Variants in CPEB1 observed in about 807,000 individuals in gnomAD.
CPEB1 encodes the protein cytoplasmic polyadenylation element binding protein 1, also known as cytoplasmic polyadenylation element-binding protein 1.
A neutral mutation model predicts 65.8 loss-of-function variants in CPEB1; 7 were observed. The observed-to-expected ratio is 0.11, with a 90% confidence interval of 0.06 to 0.20. The LOEUF (loss-of-function observed/expected upper bound fraction) is 0.20, where lower values mean the gene tolerates loss of function less well. Among genes scored for constraint, CPEB1 ranks in the 10% least tolerant of loss-of-function variants. The pLI is 1.00. For missense variants in CPEB1, 551 were observed against 712.2 expected (o/e 0.77, Z 2.58); for synonymous variants, 262 against 260.0 (o/e 1.01, Z -0.08).
upstream of CPEB1, chr15:82,647,866 G>A: frequency 1.3e-5 from 16 of 1,266,182 alleles, no homozygotes; most frequent in Non-Finnish European, 1.6e-5. Flanking sequence ...CAGCGGGAAC[G>A]CCATGGGGCC....
At chr15:82,578,945 TC>T (rs1318657597) in intron 3 of CPEB1, among the ~76,000 whole-genome samples, 1 of 152,122 alleles carries the variant, frequency 6.6e-6, no homozygotes, top group Admixed American at 6.5e-5. Context: ...TGCTCCAGCC[TC>T]CCGAGTAGCT....
intron 1 of CPEB1, chr15:82,638,141 A>C (rs933588917): frequency 3.4e-6 from 1 of 293,168 alleles, no homozygotes; most frequent in East Asian, 8.1e-5. Context: ...AGTTGGAAAA[A>C]GGAGTATTTT....
intron 6 of CPEB1, among the ~76,000 whole-genome samples, chr15:82,554,521 C>T (rs1328763324): frequency 6.6e-6 from 1 of 152,216 alleles, no homozygotes; most frequent in Admixed American, 6.5e-5. Context: ...CCCAGTAAGA[C>T]AAGAATGTCA....
chr15:82,565,913 T>G (rs2039047607), intron 4 of CPEB1, among the ~76,000 whole-genome samples: 1 of 152,186 alleles, frequency 6.6e-6, no homozygotes, highest in Non-Finnish European at 1.5e-5. Context: ...TGGCAGGAAA[T>G]CAGCTACAGA....
intron 1 of CPEB1, among the ~76,000 whole-genome samples, chr15:82,638,266 T>C (rs187556211): frequency 2.6e-4 from 40 of 152,364 alleles, no homozygotes; most frequent in African/African-American, 8.9e-4. Context: ...ACTCTTCATA[T>C]GCTGTTACAT....
At chr15:82,581,415 T>G (rs540574932) in intron 3 of CPEB1, among the ~76,000 whole-genome samples, 1 of 152,236 alleles carries the variant, frequency 6.6e-6, no homozygotes, top group Admixed American at 6.5e-5. Context: ...AACACTAGCA[T>G]ACAAATATGT....
chr15:82,546,562 A>T, intron 11 of CPEB1, 41 bp from the exon 12 acceptor site: 1 of 1,492,630 alleles, frequency 6.7e-7, no homozygotes, highest in Non-Finnish European at 9.3e-7. Context: ...GGCTCTTCTT[A>T]CCAGGAGGCT....
intron 3 of CPEB1, among the ~76,000 whole-genome samples, chr15:82,580,858 TTTTC>T (rs947647074): frequency 2.0e-5 from 3 of 151,650 alleles, no homozygotes; most frequent in African/African-American, 7.3e-5. Context: ...TCTTTTTTTT[TTTTC>T]TTTTTTTGAG....
At chr15:82,573,162 C>CAGT in intron 3 of CPEB1, 3 of 1,534,740 alleles carry the variant, frequency 2.0e-6, no homozygotes, top group Non-Finnish European at 2.6e-6. Flanking sequence ...GAACTTCCTG[C>CAGT]AGTACACCCT....
chr15:82,614,187 T>C (rs1048176900), intron 3 of CPEB1, among the ~76,000 whole-genome samples: 1 of 152,188 alleles, frequency 6.6e-6, no homozygotes, highest in Non-Finnish European at 1.5e-5. Flanking sequence ...GCTCCCAGGC[T>C]GGAGTGCAGC....
intron 4 of CPEB1, among the ~76,000 whole-genome samples, chr15:82,563,751 G>A (rs2038643066): frequency 6.6e-6 from 1 of 151,982 alleles, no homozygotes; most frequent in Admixed American, 6.5e-5. Flanking sequence ...ACAATAGGAG[G>A]TTCTGGATAA....
At chr15:82,572,051 G>T in intron 3 of CPEB1, 1 of 162,282 alleles carries the variant, frequency 6.2e-6, no homozygotes, top group Non-Finnish European at 1.3e-5. Context: ...CGACAGCAGA[G>T]CCAAAGCAGC....
At position 82,587,045 on chromosome 15, in the gene CPEB1, T is replaced by C. The variant is rs548524472; in HGVS notation, c.272-15513A>G. ...GTTGTAAAAAAGATTATCAGGAAATTCAACATAGGAAAAGATTTAAAAGAC... is the reference window on the plus strand; with the variant it reads ...GTTGTAAAAAAGATTATCAGGAAATCCAACATAGGAAAAGATTTAAAAGAC... On this transcript the variant is annotated intron_variant, in intron 3 of 12. Coordinates refer to ENST00000684509, the MANE Select transcript of CPEB1 (RefSeq NM_001365242.1). 2.0e-5 allele frequency among the ~76,000 whole-genome samples: 3 copies of C among 152,266 alleles called. No individual in the cohort carries two copies. In the South Asian group the frequency reaches 6.2e-4, roughly 32 times the overall value.
chr15:82,577,521 T>C (rs2040795538), intron 3 of CPEB1, among the ~76,000 whole-genome samples: 1 of 152,174 alleles, frequency 6.6e-6, no homozygotes. Context: ...GTTTTTATTT[T>C]TTGAGATGGA....
rs139035863 is a variant in CPEB1 at position 82,645,089 on chromosome 15, C to T, written c.-98+2048G>A. 6.3e-3 allele frequency among the ~76,000 whole-genome samples: 961 copies of T among 152,338 alleles called. 12 individuals are homozygous for T. Among genetic ancestry groups the T allele is most frequent in the Non-Finnish European group, 9.3e-3 (631 of 68,022 alleles). ...CTGCACAGGCTGGCACAACCTCCCT[C>T]CCACACATGGGAGCCTAGACCAGGG... On this transcript the variant is annotated intron_variant, in intron 1 of 12. Coordinates refer to ENST00000684509, the MANE Select transcript of CPEB1 (RefSeq NM_001365242.1).
chr15:82,548,636 T>C (rs969340241), intron 10 of CPEB1: 2 of 437,244 alleles, frequency 4.6e-6, no homozygotes, highest in African/African-American at 4.0e-5. Flanking sequence ...AGCCCAGCAG[T>C]TGAACTGAAC....
chr15:82,610,856 G>A (rs1433892245), intron 3 of CPEB1, among the ~76,000 whole-genome samples: 1 of 148,178 alleles, frequency 6.7e-6, no homozygotes, highest in Non-Finnish European at 1.5e-5. Context: ...TACTCTGGAG[G>A]CTGAGGCAGG....
chr15:82,609,072 A>G (rs1401000626), intron 3 of CPEB1, among the ~76,000 whole-genome samples: 1 of 152,228 alleles, frequency 6.6e-6, no homozygotes, highest in East Asian at 1.9e-4. Context: ...TGGAAATTAA[A>G]CAACATACTC....
In CPEB1 at chr15:82,555,807, G is replaced by C. The variant is rs2037099972; in HGVS notation, c.940+63C>G. The C allele has an allele frequency of 1.9e-6, 3 of 1,555,002 alleles. No individual in the cohort carries two copies. In the South Asian group the frequency reaches 3.6e-5, roughly 19 times the overall value. ...ACAGTTCACAAGTGTGTGAACTAAG[G>C]TCACTTCCTCTCTGCTCCCAAAATG... On this transcript the variant is annotated intron_variant, in intron 6 of 12. Transcript: ENST00000684509.
Sources: allele counts gnomAD v4.1 joint callset (sites outside exome capture counted in the v4.1 genomes callset), GRCh38; gene constraint gnomAD v4.1.1; transcripts MANE v1.5; gene names NCBI Gene and HGNC (gene_info 2026-07-23, HGNC 2026-07-21).